Variants in LAMA2 observed in about 807,000 individuals in gnomAD.
LAMA2 encodes the protein laminin subunit alpha-2.
Under a neutral mutation model 364.8 loss-of-function variants are expected in LAMA2, and 269 were observed. That is an observed-to-expected ratio of 0.74 (90% CI 0.67 to 0.82). LAMA2 has a LOEUF of 0.82. Ranked by LOEUF, LAMA2 falls within the 40% of genes least tolerant of loss-of-function variation. The pLI is 0.00. For synonymous variants in LAMA2, 1,379 were observed against 1,370.6 expected (o/e 1.01, Z -0.14); for missense variants, 3,807 against 3,873.2 (o/e 0.98, Z 0.45).
intron 10 of LAMA2, among the ~76,000 whole-genome samples, chr6:129,178,577 A>G (rs148089727): frequency 1.3e-5 from 2 of 152,318 alleles, no homozygotes; most frequent in African/African-American, 2.4e-5. Context: ...CAGACGGTGT[A>G]TAACTACATT....
chr6:129,288,440 A>C (rs73776914), intron 19 of LAMA2, among the ~76,000 whole-genome samples: 1,757 of 152,232 alleles, frequency 0.012, 30 homozygotes, highest in African/African-American at 0.041. Flanking sequence ...TTTTCTGCCC[A>C]TGATATTTCA....
intron 4 of LAMA2, among the ~76,000 whole-genome samples, chr6:129,108,329 G>C (rs1192893045): frequency 6.6e-6 from 1 of 151,944 alleles, no homozygotes; most frequent in Non-Finnish European, 1.5e-5. Flanking sequence ...AGACTTGTTA[G>C]AATTTTGTTT....
At chr6:129,283,148 C>T (rs78326332) in intron 18 of LAMA2, among the ~76,000 whole-genome samples, 10,826 of 152,044 alleles carry the variant, frequency 0.071, 516 homozygotes, top group Non-Finnish European at 0.11. Flanking sequence ...AAAAAAGAGT[C>T]AGAGAGTGAG....
chr6:129,329,936 C>T (rs940858115), intron 29 of LAMA2, among the ~76,000 whole-genome samples: 3 of 152,122 alleles, frequency 2.0e-5, no homozygotes, highest in Non-Finnish European at 2.9e-5. Context: ...AGCTCCACCT[C>T]CTGTCAGATC....
intron 4 of LAMA2, among the ~76,000 whole-genome samples, chr6:129,130,352 G>A (rs1777393233): frequency 6.6e-6 from 1 of 152,212 alleles, no homozygotes; most frequent in Non-Finnish European, 1.5e-5. Context: ...GACAAGAGAA[G>A]TCTGTATATC....
At chr6:129,048,540 C>CCTTCCTTCCTTCCTTCCTTCCTTCCTTT (rs1562188047) in intron 1 of LAMA2, among the ~76,000 whole-genome samples, 1 of 53,944 alleles carries the variant, frequency 1.9e-5, no homozygotes, top group African/African-American at 5.3e-5. Flanking sequence ...TTCCTTCCTT[C>CCTTCCTTCCTTCCTTCCTTCCTTCCTTT]CTTTCTTTCT....
intron 4 of LAMA2, among the ~76,000 whole-genome samples, chr6:129,138,592 C>T (rs984054060): frequency 3.3e-5 from 5 of 152,090 alleles, no homozygotes; most frequent in African/African-American, 4.8e-5. Flanking sequence ...TTGAATTACC[C>T]GTGCATTACT....
intron 1 of LAMA2, among the ~76,000 whole-genome samples, chr6:129,005,398 A>G (rs1262732122): frequency 3.9e-5 from 6 of 152,030 alleles, no homozygotes; most frequent in Admixed American, 3.9e-4. Flanking sequence ...TAGAAATTTT[A>G]ATAAATGATT....
chr6:129,265,614 G>A (rs1042608846), intron 15 of LAMA2, among the ~76,000 whole-genome samples: 10 of 151,828 alleles, frequency 6.6e-5, no homozygotes, highest in Admixed American at 1.3e-4. Flanking sequence ...AAATGGAAAC[G>A]GAACAGGATA....
chr6:129,075,058 A>C (rs1238062962), intron 3 of LAMA2, among the ~76,000 whole-genome samples: 1 of 152,206 alleles, frequency 6.6e-6, no homozygotes, highest in African/African-American at 2.4e-5. Flanking sequence ...AACAATTTAG[A>C]ATAGTGCAAG....
At chr6:129,397,224 T>C (rs1276461236) in intron 37 of LAMA2, among the ~76,000 whole-genome samples, 2 of 152,208 alleles carry the variant, frequency 1.3e-5, no homozygotes, top group African/African-American at 2.4e-5. Flanking sequence ...ATTATACTTA[T>C]GCCATACTTT....
At chr6:129,426,465 CT>C (rs924901674) in intron 40 of LAMA2, among the ~76,000 whole-genome samples, 1,839 of 145,030 alleles carry the variant, frequency 0.013, 17 homozygotes, top group Middle Eastern at 0.021. Flanking sequence ...TTTTGACACT[CT>C]TTTTTTTTTT....
intron 45 of LAMA2, 139 bp from the exon 46 acceptor site, chr6:129,452,849 A>G (rs908023466): frequency 1.4e-5 from 10 of 740,400 alleles, no homozygotes; most frequent in Admixed American, 2.1e-5. Context: ...GTGTCTGCAT[A>G]TGGGTGTTTA....
chr6:129,154,607 T>C lies in LAMA2; in HGVS notation c.1130T>C (p.Val377Ala), dbSNP rs759198024. The C allele has an allele frequency of 6.2e-7, 1 of 1,613,922 alleles. No homozygotes were observed. Residue 377 changes from valine (V) to alanine (A), a missense_variant, in exon 8 of 65, where the codon GTC (valine) becomes GCC (alanine). By Grantham distance (64) the Val-to-Ala change is moderately conservative. This residue lies in a region of LAMA2 where 80 missense variants were observed against 124.0 expected (regional missense o/e 0.65). Transcript: ENST00000421865. ...NIRGKYIGGGVCINCTQNTAG... is the reference protein window; with the variant it reads ...NIRGKYIGGGACINCTQNTAG... Reference sequence around the variant, plus strand: ...CGTGGAAAGTACATTGGAGGGGGTGTCTGCATTAATTGTACCCAAAACACT... The same window carrying C: ...CGTGGAAAGTACATTGGAGGGGGTGCCTGCATTAATTGTACCCAAAACACT...
intron 1 of LAMA2, among the ~76,000 whole-genome samples, chr6:129,004,760 G>A (rs1031617065): frequency 2.6e-5 from 4 of 152,008 alleles, no homozygotes; most frequent in African/African-American, 7.2e-5. Flanking sequence ...GCTTGCACTT[G>A]TATTTTGACA....
intron 3 of LAMA2, among the ~76,000 whole-genome samples, chr6:129,095,216 C>A (rs1775098331): frequency 6.6e-6 from 1 of 152,122 alleles, no homozygotes. Flanking sequence ...CAAAGTTTGC[C>A]ATGAAATATC....
At chr6:129,218,889 T>C (rs1052342528) in intron 12 of LAMA2, among the ~76,000 whole-genome samples, 1 of 152,184 alleles carries the variant, frequency 6.6e-6, no homozygotes, top group African/African-American at 2.4e-5. Flanking sequence ...TATTTATTAT[T>C]CAATATTTAT....
intron 1 of LAMA2, among the ~76,000 whole-genome samples, chr6:128,969,534 G>A (rs1016619208): frequency 6.6e-6 from 1 of 151,968 alleles, no homozygotes; most frequent in Non-Finnish European, 1.5e-5. Flanking sequence ...AGGCTCAAGC[G>A]ATCCTCCTGC....
chr6:128,990,975 C>T (rs536509216), intron 1 of LAMA2, among the ~76,000 whole-genome samples: 11 of 152,070 alleles, frequency 7.2e-5, no homozygotes, highest in Admixed American at 1.3e-4. Flanking sequence ...ATGATTATAA[C>T]GGGGGAAATT....
Sources: gnomAD v4.1 joint callset for allele counts (sites outside exome capture counted in the v4.1 genomes callset) on GRCh38, gnomAD v4.1.1 for gene constraint, gnomAD v4.1.1 regional missense constraint, MANE v1.5 for transcripts, NCBI Gene and HGNC (gene_info 2026-07-23, HGNC 2026-07-21) for gene names.